The following BAP1 variants were observed in gnomAD, a reference collection of about 807,000 sequenced individuals.
BAP1 encodes ubiquitin carboxyl-terminal hydrolase BAP1.
BAP1 carries 16 observed loss-of-function variants against 77.2 expected under a neutral mutation model. That is an observed-to-expected ratio of 0.21 (90% CI 0.14 to 0.31). The LOEUF is 0.31. BAP1 is among the 10% of genes least tolerant of loss of function. The pLI is 1.00. For missense variants in BAP1, 699 were observed against 967.3 expected, an observed-to-expected ratio of 0.72 and a Z score of 3.68; for synonymous variants, 362 against 385.2, an observed-to-expected ratio of 0.94 and a Z score of 0.71.
intron 4 of BAP1, 107 bp downstream of exon 4, chr3:52,408,367 C>T (rs568695510): frequency 8.0e-6 from 12 of 1,502,376 alleles, no homozygotes; most frequent in African/African-American, 5.5e-5. Flanking sequence ...GTAGCTACCA[C>T]CCCTAGAATC....
chr3:52,407,476 T>A lies in BAP1; in HGVS notation c.376-16A>T. The A allele has an allele frequency of 6.2e-7, 1 of 1,613,956 alleles. No individual in the cohort carries two copies. Among genetic ancestry groups the A allele is most frequent in the Non-Finnish European group, 8.5e-7 (1 of 1,179,994 alleles). ...ATCCTTTGCTCTACGGGGAAGAAAATAAGGCCGTATCAGAATAATTTCTCC... is the reference window on the plus strand; with the variant it reads ...ATCCTTTGCTCTACGGGGAAGAAAAAAAGGCCGTATCAGAATAATTTCTCC... On this transcript the variant is annotated splice_polypyrimidine_tract_variant and intron_variant, in intron 5 of 16. Transcript: ENST00000460680.
At position 52,402,195 on chromosome 3, in the gene BAP1, C is replaced by T; in HGVS notation, c.*93G>A. The T allele has an allele frequency of 3.3e-6, 5 of 1,534,474 alleles. No individual in the cohort carries two copies. Among genetic ancestry groups the T allele is most frequent in the Non-Finnish European group, 4.4e-6 (5 of 1,139,828 alleles). On this transcript the variant is annotated 3_prime_UTR_variant, in exon 17 of 17. Transcript: ENST00000460680. This position sits in a 1 kb window ranked among gnomAD's most constrained non-coding sequence, Gnocchi z 5.3. ...CCTGGACTCTCCAGCTGGGACTATT[C>T]AGTAATACTGGGAAAAGGGGAAGTG...
chr3:52,408,256 G>A (rs943121995), intron 4 of BAP1, among the ~76,000 whole-genome samples, 179 bp from the exon 5 acceptor site: 2 of 152,156 alleles, frequency 1.3e-5, no homozygotes, highest in African/African-American at 4.8e-5. Flanking sequence ...AATACCCACT[G>A]GATATCTGAG....
chr3:52,407,066 G>C, intron 7 of BAP1, 108 bp downstream of exon 7: 1 of 1,573,434 alleles, frequency 6.4e-7, no homozygotes, highest in Non-Finnish European at 8.7e-7. Flanking sequence ...CCGGGTGTCG[G>C]TACCGACAAC....
chr3:52,404,478 CGTCATCCTCCTCGTCATCCTCATA>C lies in BAP1; in HGVS notation c.1201_1224del (p.Tyr401_Asp408del), dbSNP rs1429624602. On this transcript the variant is annotated inframe_deletion, in exon 12 of 17. Transcript: ENST00000460680. ...CTAAGGGCAGAGTTGGTGTTCTGCACGTCATCCTCCTCGTCATCCTCATAGTCATCCTCATCATCTGAGTACTGC... is the reference window on the plus strand; with the variant it reads ...CTAAGGGCAGAGTTGGTGTTCTGCACGTCATCCTCATCATCTGAGTACTGC... 1 of 1,614,090 alleles carries C rather than the reference CGTCATCCTCCTCGTCATCCTCATA, an allele frequency of 6.2e-7. No homozygotes were observed. The highest frequency in any genetic ancestry group is 1.3e-5 in the African/African-American group (1 of 74,928).
rs1559589668 is a variant in BAP1 at position 52,406,264 on chromosome 3, C to T, written c.772G>A (p.Ala258Thr). The change falls in exon 9 of 17, where the codon GCT (alanine) becomes ACT (threonine). Residue 258 changes from alanine (A) to threonine (T), a missense_variant. Physicochemically the swap from Ala to Thr is moderately conservative, Grantham distance 58. Transcript: ENST00000460680. The surrounding 1 kb of genome is among the most constrained non-coding windows in gnomAD (Gnocchi z 4.6). ...GAAAGGGCACCTACCTGCTGCAGAG[C>T]CTCTAGTACTGTCTGACGGTTCACC... ...LKVNRQTVLEALQQLIRVTQP... is the reference protein window; with the variant it reads ...LKVNRQTVLETLQQLIRVTQP... 1 of 1,614,174 alleles carries T rather than the reference C, an allele frequency of 6.2e-7. No homozygotes were observed. Among genetic ancestry groups the T allele is most frequent in the Non-Finnish European group, 8.5e-7 (1 of 1,180,030 alleles).
chr3:52,403,911 G>T lies in BAP1; in HGVS notation c.1251-17C>A, dbSNP rs1559587248. The stretch of plus-strand genomic sequence containing the variant: ...CCCTTATACCTGTGGGGCCCGAGAA[G>T]ATGTGAAGCAAGGGAACGGGCCAGG... On this transcript the variant is annotated splice_polypyrimidine_tract_variant and intron_variant, in intron 12 of 16. Transcript: ENST00000460680. This position sits in a 1 kb window ranked among gnomAD's most constrained non-coding sequence, Gnocchi z 4.0. The T allele has an allele frequency of 6.2e-7, 1 of 1,613,276 alleles. No homozygotes were observed. The highest frequency in any genetic ancestry group is 8.5e-7 in the Non-Finnish European group (1 of 1,179,622).
In BAP1 at chr3:52,403,379, G is replaced by A. The variant is rs1226744634; in HGVS notation, c.1729+37C>T. On this transcript the variant is annotated intron_variant, in intron 13 of 16. Coordinates refer to ENST00000460680, the MANE Select transcript of BAP1 (RefSeq NM_004656.4). The surrounding 1 kb of genome is among the most constrained non-coding windows in gnomAD (Gnocchi z 4.0). ...TGGCCACTTCCCTCCTCCCTCCTGG[G>A]TGCACCAAGTGGCCAGTGAGCCAGT... 9 of 1,611,976 alleles carry A rather than the reference G, an allele frequency of 5.6e-6. No homozygotes were observed. The highest frequency in any genetic ancestry group is 6.8e-6 in the Non-Finnish European group (8 of 1,179,156).
Position 52,406,505 on chromosome 3 carries a change from C to T in BAP1, c.660-129G>A. 7.1e-7 allele frequency: 1 copy of T among 1,409,664 alleles called. No individual in the cohort carries two copies. The highest frequency in any genetic ancestry group is 1.2e-5 in the South Asian group (1 of 82,092). The allele number at this position is 1,409,664 out of a possible 1,614,324, so 87.3% of individuals were successfully genotyped here. On this transcript the variant is annotated intron_variant, in intron 8 of 16. Coordinates refer to ENST00000460680, the MANE Select transcript of BAP1 (RefSeq NM_004656.4). The surrounding 1 kb of genome is among the most constrained non-coding windows in gnomAD (Gnocchi z 4.6). ...TAGGTATAGGCCCCACCCCAACAGGCAGGCAGCGACTAGCCATACATGCCA... is the reference window on the plus strand; with the variant it reads ...TAGGTATAGGCCCCACCCCAACAGGTAGGCAGCGACTAGCCATACATGCCA...
Position 52,407,996 on chromosome 3 carries a change from T to A in BAP1, c.337A>T (p.Ser113Cys), listed in dbSNP as rs1553645933. ...CCCTTGGTGAAGTCCTTCATGCGAC[T>A]CAGGGTGGGTCCCAGGTCCACGCTG... ...CSSVDLGPTL[S>C]RMKDFTKGFS... The change falls in exon 5 of 17, where the codon AGT (serine) becomes TGT (cysteine). Residue 113 changes from serine to cysteine, a missense_variant. Physicochemically the swap from Ser to Cys is moderately radical, Grantham distance 112. Transcript: ENST00000460680. The A allele has an allele frequency of 6.2e-7, 1 of 1,614,006 alleles. No homozygotes were observed. Among genetic ancestry groups the A allele is most frequent in the Non-Finnish European group, 8.5e-7 (1 of 1,180,010 alleles).
At position 52,408,615 on chromosome 3, in the gene BAP1, A is replaced by C; in HGVS notation, c.123-9T>G. The C allele has an allele frequency of 1.2e-6, 2 of 1,607,660 alleles. No individual in the cohort carries two copies. The highest frequency in any genetic ancestry group is 1.7e-6 in the Non-Finnish European group (2 of 1,177,126). On this transcript the variant is annotated splice_polypyrimidine_tract_variant and intron_variant, in intron 3 of 16. Transcript: ENST00000460680. ...TAAATCCATATACAGGGCTGGGGGA[A>C]GTAAGGGGCAGAGCCAGATCAGCCA...
Position 52,406,735 on chromosome 3 carries a change from G to A in BAP1, c.659+94C>T, listed in dbSNP as rs1705170438. On this transcript the variant is annotated intron_variant, in intron 8 of 16. Coordinates refer to ENST00000460680, the MANE Select transcript of BAP1 (RefSeq NM_004656.4). This position sits in a 1 kb window ranked among gnomAD's most constrained non-coding sequence, Gnocchi z 4.6. ...CTGATCTTGCCAGATTCACCATATG[G>A]CCTTGCAATTTACAAATCACCTGGA... 2.2e-6 allele frequency: 3 copies of A among 1,357,018 alleles called. No individual in the cohort carries two copies. Among genetic ancestry groups the A allele is most frequent in the Non-Finnish European group, 3.1e-6 (3 of 971,630 alleles). The allele number at this position is 1,357,018 out of a possible 1,614,324, so 84.1% of individuals were successfully genotyped here.
In BAP1 at chr3:52,401,807, G is replaced by C. The variant is rs937702739; in HGVS notation, c.*481C>G. On this transcript the variant is annotated 3_prime_UTR_variant, in exon 17 of 17. Coordinates refer to ENST00000460680, the MANE Select transcript of BAP1 (RefSeq NM_004656.4). ...CTAGAGCAGCAGGGCCCAGAGCCCA[G>C]GGCCCACCCAGGCCCCCAGCTAGGA... 7.6e-6 allele frequency: 2 copies of C among 262,922 alleles called. No homozygotes were observed. The highest frequency in any genetic ancestry group is 4.3e-5 in the African/African-American group (2 of 46,020). 16.3% of individuals were successfully genotyped at this position (262,922 alleles called of 1,614,324 possible).
chr3:52,409,932 TGCCCCCACCGGGA>T lies in BAP1; in HGVS notation c.-67_-55del, dbSNP rs1001711910. 1.9e-5 allele frequency: 30 copies of T among 1,590,188 alleles called. No individual in the cohort carries two copies. Among genetic ancestry groups the T allele is most frequent in the Non-Finnish European group, 2.6e-5 (30 of 1,175,212 alleles). On this transcript the variant is annotated 5_prime_UTR_variant, in exon 1 of 17. Coordinates refer to ENST00000460680, the MANE Select transcript of BAP1 (RefSeq NM_004656.4). Reference sequence around the variant, plus strand: ...TGTCCAGGCCCTCCCTCCCCACCGCTGCCCCCACCGGGAGCCCCCACCGCCCCCGGGGCCCCTC... The same window carrying T: ...TGTCCAGGCCCTCCCTCCCCACCGCTGCCCCCACCGCCCCCGGGGCCCCTC...
chr3:52,403,002 G>T lies in BAP1; in HGVS notation c.1891-131C>A. 1 of 1,597,362 alleles carries T rather than the reference G, an allele frequency of 6.3e-7. No homozygotes were observed. The highest frequency in any genetic ancestry group is 8.5e-7 in the Non-Finnish European group (1 of 1,176,760). On this transcript the variant is annotated intron_variant, in intron 14 of 16. Coordinates refer to ENST00000460680, the MANE Select transcript of BAP1 (RefSeq NM_004656.4). This position sits in a 1 kb window ranked among gnomAD's most constrained non-coding sequence, Gnocchi z 4.0. ...AAGGCCCCTGCCACCACCCAACCCA[G>T]AAAGTCTTCTGGCACATGGCTCCAG...
rs985748596 is a variant in BAP1, at chr3:52,407,166, G to A, written c.580+8C>T. The stretch of plus-strand genomic sequence containing the variant: ...ACACCCAACAGGCCTCCAGCTCATG[G>A]TGCCTACCATGGTCAATGGGGTAGA... On this transcript the variant is annotated splice_region_variant and intron_variant, in intron 7 of 16. Coordinates refer to ENST00000460680, the MANE Select transcript of BAP1 (RefSeq NM_004656.4). 2.5e-6 allele frequency: 4 copies of A among 1,613,760 alleles called. No individual in the cohort carries two copies. The highest frequency in any genetic ancestry group is 3.4e-6 in the Non-Finnish European group (4 of 1,180,022).
chr3:52,407,906 GGTCAGATCT>G (rs1705216897), intron 5 of BAP1, 43 bp downstream of exon 5: 1 of 1,611,280 alleles, frequency 6.2e-7, no homozygotes, highest in African/African-American at 1.3e-5. Flanking sequence ...TGGCCCTCAG[GGTCAGATCT>G]GCCCAGTTGG....
In BAP1 at chr3:52,402,278, C is replaced by A; in HGVS notation, c.*10G>T. The stretch of plus-strand genomic sequence containing the variant: ...GCAAGAGTGGGCTGCAGAGTCAGGG[C>A]CAGCAGTCCTCACTGGCGCTTGGCC... On this transcript the variant is annotated 3_prime_UTR_variant, in exon 17 of 17. Transcript: ENST00000460680. This position sits in a 1 kb window ranked among gnomAD's most constrained non-coding sequence, Gnocchi z 5.3. 1 of 1,600,550 alleles carries A rather than the reference C, an allele frequency of 6.2e-7. No individual in the cohort carries two copies. Among genetic ancestry groups the A allele is most frequent in the Admixed American group, 1.7e-5 (1 of 57,724 alleles).
chr3:52,402,590 G>A lies in BAP1; in HGVS notation c.2056+12C>T, dbSNP rs201451829. 71 of 1,613,888 alleles carry A rather than the reference G, an allele frequency of 4.4e-5. No homozygotes were observed. The highest frequency in any genetic ancestry group is 3.7e-4 in the South Asian group (34 of 91,078). On this transcript the variant is annotated intron_variant, in intron 16 of 16. Transcript: ENST00000460680. The surrounding 1 kb of genome is among the most constrained non-coding windows in gnomAD (Gnocchi z 5.3). ...AGGGCATTCCAGTTAAGACAGCAGC[G>A]CATCCCCTCACCTTCCTGAGCCAGC...
Sources: gnomAD v4.1 joint callset for allele counts (sites outside exome capture counted in the v4.1 genomes callset) on GRCh38, gnomAD v4.1.1 for gene constraint, Gnocchi (gnomAD v3.1) non-coding constraint, MANE v1.5 for transcripts, NCBI Gene and HGNC (gene_info 2026-07-23, HGNC 2026-07-21) for gene names.